Variants in GRM8 observed in about 807,000 individuals in gnomAD.
The protein encoded by GRM8 is metabotropic glutamate receptor 8.
In GRM8, 47 loss-of-function variants were observed where a neutral mutation model predicts 87.2. The ratio of observed to expected loss-of-function variants is 0.54; its 90% CI spans 0.43 to 0.69. GRM8 has a LOEUF of 0.69. GRM8 is among the 30% of genes least tolerant of loss of function. GRM8 has a pLI of 0.00. For synonymous variants in GRM8, 396 were observed against 404.5 expected (o/e 0.98, Z 0.25); for missense variants, 1,019 against 1,139.2 (o/e 0.89, Z 1.52).
intron 7 of GRM8, among the ~76,000 whole-genome samples, chr7:126,743,905 A>AT (rs1002720572): frequency 1.5e-4 from 23 of 151,870 alleles, no homozygotes; most frequent in Non-Finnish European, 3.1e-4. Flanking sequence ...TATGGTAAAA[A>AT]AAAATAAGAA....
chr7:127,021,603 T>C (rs1816274772), intron 3 of GRM8, among the ~76,000 whole-genome samples: 1 of 152,012 alleles, frequency 6.6e-6, no homozygotes, highest in African/African-American at 2.4e-5. Context: ...TGTAACTCTG[T>C]TTAATTACAC....
At chr7:126,690,216 G>A (rs1236988165) in intron 7 of GRM8, among the ~76,000 whole-genome samples, 5 of 152,194 alleles carry the variant, frequency 3.3e-5, no homozygotes, top group Non-Finnish European at 7.3e-5. Flanking sequence ...ATGCCCACTC[G>A]GCCTGGCAGG....
chr7:127,183,592 A>G (rs1451554216), intron 2 of GRM8, among the ~76,000 whole-genome samples: 2 of 151,958 alleles, frequency 1.3e-5, no homozygotes, highest in Middle Eastern at 6.8e-3. Flanking sequence ...GAAGAAAGAC[A>G]TAAAATCAAT....
At chr7:126,487,542 A>C (rs564069293) in intron 9 of GRM8, among the ~76,000 whole-genome samples, 1 of 152,126 alleles carries the variant, frequency 6.6e-6, no homozygotes, top group South Asian at 2.1e-4. Context: ...TAGAAGCCAA[A>C]ACAATGTCAA....
chr7:126,697,981 T>C (rs903281057), intron 7 of GRM8, among the ~76,000 whole-genome samples: 1 of 152,162 alleles, frequency 6.6e-6, no homozygotes, highest in African/African-American at 2.4e-5. Context: ...TGAGAAACAA[T>C]GCAAGCAAAT....
intron 7 of GRM8, among the ~76,000 whole-genome samples, chr7:126,755,139 AT>A (rs981442862): frequency 6.9e-5 from 10 of 145,834 alleles, no homozygotes; most frequent in African/African-American, 2.5e-4. Context: ...TAAAAATCTC[AT>A]TTTTTTAAAC....
chr7:126,900,441 T>C (rs544105612), intron 6 of GRM8, among the ~76,000 whole-genome samples: 2 of 152,308 alleles, frequency 1.3e-5, no homozygotes, highest in East Asian at 1.9e-4. Flanking sequence ...TAGATAAATA[T>C]AACACTACGT....
At position 127,117,394 on chromosome 7, in the gene GRM8, C is replaced by A. The variant is rs117628497; in HGVS notation, c.511-10682G>T. Among the ~76,000 whole-genome samples, 847 of 152,294 alleles carry A rather than the reference C, an allele frequency of 5.6e-3. 5 individuals carry two copies. The highest frequency in any genetic ancestry group is 8.6e-3 in the Non-Finnish European group (582 of 68,024). On this transcript the variant is annotated intron_variant, in intron 2 of 10. Coordinates refer to ENST00000339582, the MANE Select transcript of GRM8 (RefSeq NM_000845.3). Reference sequence around the variant, plus strand: ...AAACTCTGCTCAATGAGGCAGCATCCCAGGGAGACATGGAGAACTGCATTC... The same window carrying A: ...AAACTCTGCTCAATGAGGCAGCATCACAGGGAGACATGGAGAACTGCATTC...
At chr7:126,653,391 T>C (rs1360245004) in intron 7 of GRM8, among the ~76,000 whole-genome samples, 3 of 152,110 alleles carry the variant, frequency 2.0e-5, no homozygotes, top group Non-Finnish European at 4.4e-5. Flanking sequence ...AACCATTTAT[T>C]TCACAGAAAT....
intron 6 of GRM8, among the ~76,000 whole-genome samples, chr7:126,857,861 A>G (rs1337780683): frequency 6.6e-6 from 1 of 152,094 alleles, no homozygotes; most frequent in Non-Finnish European, 1.5e-5. Flanking sequence ...AGGTGGGAGG[A>G]TCTCTTGAGC....
At chr7:126,790,891 G>A (rs1821213822) in intron 6 of GRM8, among the ~76,000 whole-genome samples, 1 of 152,186 alleles carries the variant, frequency 6.6e-6, no homozygotes, top group Non-Finnish European at 1.5e-5. Context: ...ATGAATGTCA[G>A]AAGGTGCCAA....
intron 3 of GRM8, among the ~76,000 whole-genome samples, chr7:126,953,937 G>T (rs1808422151): frequency 6.6e-6 from 1 of 151,984 alleles, no homozygotes; most frequent in Admixed American, 6.6e-5. Flanking sequence ...CCTGGCCAAG[G>T]TCTAAGAGAA....
chr7:126,630,399 C>T lies in GRM8; in HGVS notation c.1358-20901G>A, dbSNP rs535066442. On this transcript the variant is annotated intron_variant, in intron 7 of 10. Transcript: ENST00000339582. ...AGGCAGTAATAAATAGGCTACCAAC[C>T]ACAAAAAGTCCAGGACCAGACATAT... is the stretch of plus-strand genomic sequence containing the variant. 1.7e-4 allele frequency among the ~76,000 whole-genome samples: 26 copies of T among 152,096 alleles called. No homozygotes were observed. The South Asian group carries it at 5.2e-3, about 30-fold the overall frequency.
intron 3 of GRM8, among the ~76,000 whole-genome samples, chr7:127,053,449 G>A (rs946017753): frequency 1.3e-5 from 2 of 152,144 alleles, no homozygotes; most frequent in African/African-American, 4.8e-5. Context: ...GTATATGTGT[G>A]TGTTTATACT....
rs17866348 is a variant in GRM8 at position 127,121,773 on chromosome 7, G to A, written c.511-15061C>T. 6.7e-4 allele frequency among the ~76,000 whole-genome samples: 102 copies of A among 152,170 alleles called. 3 individuals carry two copies. The East Asian group carries it at 0.018, about 27-fold the overall frequency. ...CCACATCTTGTGAGAATTCTATCAC[G>A]AGACAGCACTAGGCGGATGGTCCTA... On this transcript the variant is annotated intron_variant, in intron 2 of 10. Coordinates refer to ENST00000339582, the MANE Select transcript of GRM8 (RefSeq NM_000845.3).
At chr7:126,856,042 A>G (rs1563253208) in intron 6 of GRM8, among the ~76,000 whole-genome samples, 1 of 152,214 alleles carries the variant, frequency 6.6e-6, no homozygotes, top group Non-Finnish European at 1.5e-5. Context: ...ATTAAGAAGC[A>G]TGAACTTTCA....
Position 126,988,257 on chromosome 7 carries a change from A to T in GRM8, c.728-83574T>A, listed in dbSNP as rs537355076. Among the ~76,000 whole-genome samples the T allele has an allele frequency of 1.1e-4, 16 of 152,280 alleles. 1 individual carries two copies. The South Asian group carries it at 3.3e-3, about 32-fold the overall frequency. The stretch of plus-strand genomic sequence containing the variant: ...ATTTTGTGCAAAGGACATCAAAAGA[A>T]CTTGTCAGTTAAACAGAGGATTTAG... On this transcript the variant is annotated intron_variant, in intron 3 of 10. Coordinates refer to ENST00000339582, the MANE Select transcript of GRM8 (RefSeq NM_000845.3).
At chr7:126,446,457 T>TA in intron 9 of GRM8, 85 bp from the exon 10 acceptor site, 2 of 901,594 alleles carry the variant, frequency 2.2e-6, no homozygotes, top group Non-Finnish European at 3.4e-6. Flanking sequence ...TCTAAAATTG[T>TA]TCCAGCTTCT....
intron 8 of GRM8, among the ~76,000 whole-genome samples, chr7:126,607,710 T>G (rs1274157664): frequency 6.6e-6 from 1 of 152,072 alleles, no homozygotes; most frequent in Non-Finnish European, 1.5e-5. Flanking sequence ...TTATTATTAT[T>G]ATTATACTTT....
Sources: allele counts gnomAD v4.1 joint callset (sites outside exome capture counted in the v4.1 genomes callset), GRCh38; gene constraint gnomAD v4.1.1; transcripts MANE v1.5; gene names NCBI Gene and HGNC (gene_info 2026-07-23, HGNC 2026-07-21).